The following SLC38A2 variants were observed in gnomAD, a reference collection of about 807,000 sequenced individuals.
The protein encoded by SLC38A2 is sodium-coupled neutral amino acid symporter 2.
In SLC38A2, 11 loss-of-function variants were observed where a neutral mutation model predicts 61.5. The observed-to-expected ratio is 0.18, with a 90% confidence interval of 0.11 to 0.30. The LOEUF (loss-of-function observed/expected upper bound fraction) is 0.30, where lower values mean the gene tolerates loss of function less well. Ranked by LOEUF, SLC38A2 falls within the 10% of genes least tolerant of loss-of-function variation. The probability of loss-of-function intolerance (pLI) is 1.00; values close to 1 mark genes in which losing one functional copy is unlikely to be tolerated. For synonymous variants in SLC38A2, 217 were observed against 212.5 expected (o/e 1.02, Z -0.18); for missense variants, 522 against 600.4 (o/e 0.87, Z 1.36).
chr12:46,369,575 A>G (rs1252609671), intron 4 of SLC38A2, among the ~76,000 whole-genome samples: 3 of 152,238 alleles, frequency 2.0e-5, no homozygotes, highest in African/African-American at 4.8e-5. Flanking sequence ...CAATGAAGGT[A>G]TTAAGTTACA....
At chr12:46,364,917 ATT>A in intron 8 of SLC38A2, 188 bp downstream of exon 8, 1 of 685,198 alleles carries the variant, frequency 1.5e-6, no homozygotes, top group South Asian at 2.0e-5. Flanking sequence ...CATTTGCATT[ATT>A]TCTTACAAAG....
intron 1 of SLC38A2, 131 bp from the exon 2 acceptor site, chr12:46,371,510 G>A (rs1943200291): frequency 1.9e-6 from 1 of 520,564 alleles, no homozygotes; most frequent in African/African-American, 2.1e-5. Context: ...CGCGCGCGAG[G>A]GGCGGGGGCG....
intron 7 of SLC38A2, 85 bp downstream of exon 7, chr12:46,366,779 C>A (rs201547018): frequency 7.2e-6 from 7 of 970,144 alleles, no homozygotes; most frequent in Admixed American, 2.7e-5. Flanking sequence ...ATTAACTAAT[C>A]ATTTTGTATA....
Position 46,364,535 on chromosome 12 carries a change from C to A in SLC38A2, c.727G>T (p.Val243Phe), listed in dbSNP as rs767555160. 1 of 1,605,038 alleles carries A rather than the reference C, an allele frequency of 6.2e-7. No individual in the cohort carries two copies. The highest frequency in any genetic ancestry group is 8.5e-7 in the Non-Finnish European group (1 of 1,177,242). ...LIVVICKKFQ[V>F]PCPVEAALII... The stretch of plus-strand genomic sequence containing the variant: ...AAAGCAGCTTCCACAGGACACGGAA[C>A]CTGAAATTTCTTGCAAATGACCTAA... Residue 243 changes from valine (V) to phenylalanine (F), a missense_variant, in exon 10 of 16, where the codon GTT becomes TTT. Physicochemically the swap from Val to Phe is conservative, Grantham distance 50. This residue lies in a region of SLC38A2 where 309 missense variants were observed against 343.9 expected (regional missense o/e 0.90). Coordinates refer to ENST00000256689, the MANE Select transcript of SLC38A2 (RefSeq NM_018976.5).
rs1171243073 is a variant in SLC38A2 at position 46,359,545 on chromosome 12, A to G, written c.*1566T>C. ...GGCAAACCTTACAGCCAGATGACCA[A>G]TTGACAATTCCATTATTTGCTTCCT... is the stretch of plus-strand genomic sequence containing the variant. On this transcript the variant is annotated 3_prime_UTR_variant, in exon 16 of 16. Coordinates refer to ENST00000256689, the MANE Select transcript of SLC38A2 (RefSeq NM_018976.5). 1 of 152,666 alleles carries G rather than the reference A, an allele frequency of 6.6e-6. No homozygotes were observed. Among genetic ancestry groups the G allele is most frequent in the African/African-American group, 2.4e-5 (1 of 41,460 alleles). The allele number at this position is 152,666 out of a possible 1,614,324, so 9.5% of individuals were successfully genotyped here.
intron 7 of SLC38A2, 192 bp from the exon 8 acceptor site, chr12:46,365,381 G>A: frequency 1.6e-6 from 1 of 614,456 alleles, no homozygotes; most frequent in Non-Finnish European, 2.9e-6. Flanking sequence ...CATTTACTCA[G>A]GTTAGAAGTC....
At position 46,365,230 on chromosome 12, in the gene SLC38A2, C is replaced by T. The variant is rs772813727; in HGVS notation, c.564-41G>A. ...ACAAGGTCAAAACAGTCACAAATATCCTCTGAAAAATATACACATCTTCTA... is the reference window on the plus strand; with the variant it reads ...ACAAGGTCAAAACAGTCACAAATATTCTCTGAAAAATATACACATCTTCTA... On this transcript the variant is annotated intron_variant, in intron 7 of 15. Coordinates refer to ENST00000256689, the MANE Select transcript of SLC38A2 (RefSeq NM_018976.5). 3.8e-5 allele frequency: 57 copies of T among 1,505,852 alleles called. 1 individual carries two copies. The Middle Eastern group carries it at 1.0e-3, about 27-fold the overall frequency. The allele number at this position is 1,505,852 out of a possible 1,614,324, so 93.3% of individuals were successfully genotyped here.
In SLC38A2 at chr12:46,365,096, A is replaced by T; in HGVS notation, c.646+11T>A. ...CTCATTTCAATTCTCTTTAGAGATG[A>T]GTTTGCTCACCTAAATTTCTAAACA... is the stretch of plus-strand genomic sequence containing the variant. On this transcript the variant is annotated intron_variant, in intron 8 of 15. Transcript: ENST00000256689. 6.2e-7 allele frequency: 1 copy of T among 1,609,028 alleles called. No homozygotes were observed. The highest frequency in any genetic ancestry group is 8.5e-7 in the Non-Finnish European group (1 of 1,175,768).
chr12:46,362,553 G>A lies in SLC38A2; in HGVS notation c.1265C>T (p.Ala422Val). Reference protein sequence around the residue: ...RHSLITVSILAFTNLLVIFVP... With the variant: ...RHSLITVSILVFTNLLVIFVP... Reference sequence around the variant, plus strand: ...AAAGATGACAAGTAAATTGGTAAATGCCAAGATAGACACTGTAATGAGACT... The same window carrying A: ...AAAGATGACAAGTAAATTGGTAAATACCAAGATAGACACTGTAATGAGACT... Residue 422 changes from alanine (A) to valine (V), a missense_variant, in exon 14 of 16, where the codon GCA becomes GTA. This residue lies in a region of SLC38A2 where 309 missense variants were observed against 343.9 expected (regional missense o/e 0.90). Transcript: ENST00000256689. The A allele has an allele frequency of 6.2e-7, 1 of 1,602,268 alleles. No individual in the cohort carries two copies. The highest frequency in any genetic ancestry group is 8.5e-7 in the Non-Finnish European group (1 of 1,177,134).
rs766315730 is a variant in SLC38A2, at chr12:46,371,330, G to C, written c.-37C>G. On this transcript the variant is annotated 5_prime_UTR_variant, in exon 2 of 16. Coordinates refer to ENST00000256689, the MANE Select transcript of SLC38A2 (RefSeq NM_018976.5). The stretch of plus-strand genomic sequence containing the variant: ...GGAGGAATCGGGTGCAGCTAGTAGC[G>C]CTGGGCTCCTTTTGTCCTTGGCGGT... 24 of 1,547,176 alleles carry C rather than the reference G, an allele frequency of 1.6e-5. No homozygotes were observed. The highest frequency in any genetic ancestry group is 3.6e-4 in the Middle Eastern group (2 of 5,584).
intron 1 of SLC38A2, 104 bp from the exon 2 acceptor site, chr12:46,371,483 A>G: frequency 1.8e-6 from 1 of 559,972 alleles, no homozygotes; most frequent in Admixed American, 3.5e-5. Flanking sequence ...AGGCCAGGCG[A>G]GTGGAAAAGT....
chr12:46,370,590 T>G lies in SLC38A2; in HGVS notation c.236A>C (p.Asn79Thr). ...GTTSFGMSVF[N>T]LSNAIVGSGI... ...ACTGCCCACAATCGCATTGCTCAGATTAAATACTGACATTCCAAAGGAAGT... is the reference window on the plus strand; with the variant it reads ...ACTGCCCACAATCGCATTGCTCAGAGTAAATACTGACATTCCAAAGGAAGT... The change falls in exon 4 of 16, where the codon AAT becomes ACT. Residue 79 changes from asparagine (N) to threonine (T), a missense_variant. By Grantham distance (65) the Asn-to-Thr change is moderately conservative. Coordinates refer to ENST00000256689, the MANE Select transcript of SLC38A2 (RefSeq NM_018976.5). The G allele has an allele frequency of 6.2e-7, 1 of 1,614,158 alleles. No homozygotes were observed. Among genetic ancestry groups the G allele is most frequent in the Middle Eastern group, 1.6e-4 (1 of 6,062 alleles).
Position 46,361,007 on chromosome 12 carries a change from T to A in SLC38A2, c.*104A>T. 5.7e-6 allele frequency: 5 copies of A among 870,398 alleles called. No individual in the cohort carries two copies. In the South Asian group the frequency reaches 8.2e-5, roughly 14 times the overall value. 53.9% of individuals were successfully genotyped at this position (870,398 alleles called of 1,614,324 possible). The stretch of plus-strand genomic sequence containing the variant: ...AGAAGAACCAGCGAGGAATCTGCAC[T>A]TCAAAAGGAAGTGAAACTGAAAACA... On this transcript the variant is annotated 3_prime_UTR_variant, in exon 16 of 16. Transcript: ENST00000256689.
At chr12:46,369,955 A>T (rs1051168816) in intron 4 of SLC38A2, among the ~76,000 whole-genome samples, 1 of 152,232 alleles carries the variant, frequency 6.6e-6, no homozygotes. Context: ...GACAAAAGCA[A>T]ACATTAAAAA....
At chr12:46,371,445 C>G (rs10880961) in intron 1 of SLC38A2, 66 bp from the exon 2 acceptor site, 405,440 of 630,446 alleles carry the variant, frequency 0.64, 133,142 homozygotes, top group African/African-American at 0.87. Context: ...TGACGCCGCC[C>G]GGAGGCGCAG....
At chr12:46,369,667 T>C (rs908795621) in intron 4 of SLC38A2, among the ~76,000 whole-genome samples, 4 of 152,104 alleles carry the variant, frequency 2.6e-5, no homozygotes, top group Admixed American at 6.5e-5. Context: ...CACTGAAAAA[T>C]ACATGCTTAA....
At chr12:46,369,460 T>C (rs1425708390) in intron 4 of SLC38A2, among the ~76,000 whole-genome samples, 1 of 152,176 alleles carries the variant, frequency 6.6e-6, no homozygotes, top group Non-Finnish European at 1.5e-5. Flanking sequence ...CATTCTATCG[T>C]GCTGGAGAAA....
At chr12:46,367,230 A>G in intron 5 of SLC38A2, 37 bp downstream of exon 5, 1 of 1,578,592 alleles carries the variant, frequency 6.3e-7, no homozygotes, top group Non-Finnish European at 8.7e-7. Context: ...AATGATAGGT[A>G]TACATTGTTT....
chr12:46,370,760 A>G lies in SLC38A2; in HGVS notation c.198+16T>C, dbSNP rs2120571103. 6.3e-7 allele frequency: 1 copy of G among 1,592,434 alleles called. No individual in the cohort carries two copies. The highest frequency in any genetic ancestry group is 1.3e-5 in the African/African-American group (1 of 74,390). On this transcript the variant is annotated intron_variant, in intron 3 of 15. Transcript: ENST00000256689. Reference sequence around the variant, plus strand: ...CCATAAAGCCACTGACAGACAAATTACTATTTTTAACTTACAAATTCTGTT... The same window carrying G: ...CCATAAAGCCACTGACAGACAAATTGCTATTTTTAACTTACAAATTCTGTT...
Sources: allele counts gnomAD v4.1 joint callset (sites outside exome capture counted in the v4.1 genomes callset), GRCh38; gene constraint gnomAD v4.1.1; regional missense constraint gnomAD v4.1.1; transcripts MANE v1.5; gene names NCBI Gene and HGNC (gene_info 2026-07-23, HGNC 2026-07-21).